Variants in LTBP1 observed in about 807,000 individuals in gnomAD.
LTBP1 encodes the protein latent-transforming growth factor beta-binding protein 1.
In LTBP1, 129 loss-of-function variants were observed where a neutral mutation model predicts 207.6. The observed-to-expected ratio is 0.62, with a 90% CI of 0.54 to 0.72. The LOEUF is 0.72. LTBP1 is among the 30% of genes least tolerant of loss of function. The probability of loss-of-function intolerance (pLI) is 0.00; values close to 1 mark genes in which losing one functional copy is unlikely to be tolerated. For synonymous variants in LTBP1, 963 were observed against 833.7 expected (o/e 1.16, Z -2.67); for missense variants, 2,281 against 2,217.2 (o/e 1.03, Z -0.58).
intron 7 of LTBP1, among the ~76,000 whole-genome samples, chr2:33,216,159 G>C (rs17012689): frequency 0.018 from 2,678 of 152,246 alleles, 77 homozygotes; most frequent in African/African-American, 0.06. Flanking sequence ...ATAAACATAA[G>C]ATACATACGC....
intron 3 of LTBP1, among the ~76,000 whole-genome samples, chr2:33,033,218 G>GT (rs143523431): frequency 2.4e-4 from 36 of 148,646 alleles, no homozygotes; most frequent in African/African-American, 3.7e-4. Context: ...AGTGTAAGTG[G>GT]TTTTTTTTTT....
rs75020774 is a variant in LTBP1, at chr2:33,071,889, C to T, written c.864-38693C>T. ...TACTCTCACAAAGCAAATCTGACAC[C>T]GGATGTGTGGGGATTTCTGCCCACC... is the stretch of plus-strand genomic sequence containing the variant. On this transcript the variant is annotated intron_variant, in intron 3 of 33. Transcript: ENST00000404816. Among the ~76,000 whole-genome samples, 478 of 152,306 alleles carry T rather than the reference C, an allele frequency of 3.1e-3. 2 individuals are homozygous for T. The highest frequency in any genetic ancestry group is 0.011 in the African/African-American group (451 of 41,570).
chr2:33,093,298 G>T (rs1338554110), intron 3 of LTBP1, among the ~76,000 whole-genome samples: 3 of 152,004 alleles, frequency 2.0e-5, no homozygotes, highest in Non-Finnish European at 2.9e-5. Flanking sequence ...TCTTTGGCTT[G>T]CCCCTCTTTC....
At chr2:33,196,310 A>T (rs1036994412) in intron 7 of LTBP1, among the ~76,000 whole-genome samples, 2 of 149,088 alleles carry the variant, frequency 1.3e-5, no homozygotes, top group African/African-American at 4.9e-5. Flanking sequence ...TTTTAGAAAG[A>T]AGGGGGAAAA....
chr2:33,118,218 C>CA (rs34111004), intron 4 of LTBP1, among the ~76,000 whole-genome samples: 4 of 143,898 alleles, frequency 2.8e-5, no homozygotes, highest in Non-Finnish European at 6.1e-5. Flanking sequence ...AAAAAAACAA[C>CA]AAAAAAAACT....
At chr2:33,335,383 G>A (rs184922189) in intron 24 of LTBP1, among the ~76,000 whole-genome samples, 10 of 152,054 alleles carry the variant, frequency 6.6e-5, no homozygotes, top group African/African-American at 2.2e-4. Flanking sequence ...AGTCAGACTC[G>A]GCCCAGGGAT....
chr2:33,307,342 T>G (rs2094114595), intron 22 of LTBP1, among the ~76,000 whole-genome samples: 1 of 152,170 alleles, frequency 6.6e-6, no homozygotes, highest in African/African-American at 2.4e-5. Flanking sequence ...TTAGAAATAT[T>G]TATAGAAACC....
chr2:33,046,929 G>A (rs2076476067), intron 3 of LTBP1, among the ~76,000 whole-genome samples: 1 of 152,102 alleles, frequency 6.6e-6, no homozygotes, highest in Non-Finnish European at 1.5e-5. Context: ...TCTGATGGTA[G>A]TTTGTATTTC....
intron 9 of LTBP1, among the ~76,000 whole-genome samples, chr2:33,237,734 A>T (rs779270365): frequency 7.9e-5 from 12 of 152,186 alleles, no homozygotes; most frequent in Non-Finnish European, 1.5e-5. Context: ...TTGTTCATTT[A>T]TTCTGTGCCT....
chr2:33,257,239 C>T (rs902168509), intron 11 of LTBP1, 45 bp from the exon 12 acceptor site: 12 of 1,423,744 alleles, frequency 8.4e-6, no homozygotes, highest in Non-Finnish European at 1.1e-5. Context: ...TATAAGTTTG[C>T]ACTGTTAGAT....
At chr2:33,150,361 T>G (rs530267327) in intron 5 of LTBP1, among the ~76,000 whole-genome samples, 1 of 152,276 alleles carries the variant, frequency 6.6e-6, no homozygotes, top group East Asian at 1.9e-4. Flanking sequence ...AACCCATAAT[T>G]TACATGACTG....
intron 2 of LTBP1, among the ~76,000 whole-genome samples, chr2:32,979,262 T>C (rs1682374389): frequency 6.6e-6 from 1 of 151,952 alleles, no homozygotes. Context: ...TGCTCTTGCT[T>C]TCTAGGTCTT....
intron 31 of LTBP1, among the ~76,000 whole-genome samples, chr2:33,382,852 G>GT (rs1193231300): frequency 1.3e-5 from 2 of 152,152 alleles, no homozygotes; most frequent in Non-Finnish European, 2.9e-5. Flanking sequence ...GGGAAGGAGG[G>GT]TTGCTGCCTG....
chr2:33,096,143 A>G (rs2079375438), intron 3 of LTBP1, among the ~76,000 whole-genome samples: 2 of 152,210 alleles, frequency 1.3e-5, no homozygotes, highest in African/African-American at 4.8e-5. Flanking sequence ...GAGTCATAAG[A>G]CATATTACAT....
At chr2:32,948,835 T>A (rs1306086803) in intron 1 of LTBP1, 40 bp from the exon 2 acceptor site, 2 of 1,579,740 alleles carry the variant, frequency 1.3e-6, no homozygotes, top group Non-Finnish European at 8.7e-7. Flanking sequence ...GGGAAGGGGG[T>A]CTTTCTGCTG....
At chr2:33,055,813 C>A (rs563494290) in intron 3 of LTBP1, among the ~76,000 whole-genome samples, 2 of 152,158 alleles carry the variant, frequency 1.3e-5, no homozygotes, top group Non-Finnish European at 2.9e-5. Flanking sequence ...TTCCCCTCCC[C>A]CTACAGCTTG....
At chr2:33,331,731 A>G (rs2094496231) in intron 24 of LTBP1, among the ~76,000 whole-genome samples, 2 of 152,118 alleles carry the variant, frequency 1.3e-5, no homozygotes, top group Admixed American at 6.5e-5. Flanking sequence ...AAAATCATCT[A>G]TATCCCTACC....
At chr2:33,349,454 A>G (rs1418022630) in intron 26 of LTBP1, among the ~76,000 whole-genome samples, 4 of 152,150 alleles carry the variant, frequency 2.6e-5, no homozygotes, top group African/African-American at 9.7e-5. Context: ...GAAAAAAAAA[A>G]AAAGTACATT....
At chr2:33,078,299 A>AT (rs1157216480) in intron 3 of LTBP1, among the ~76,000 whole-genome samples, 5 of 152,218 alleles carry the variant, frequency 3.3e-5, no homozygotes, top group Non-Finnish European at 5.9e-5. Flanking sequence ...ACAAATAAAT[A>AT]TTCTGGAGGG....
Sources: allele counts gnomAD v4.1 joint callset (sites outside exome capture counted in the v4.1 genomes callset), GRCh38; gene constraint gnomAD v4.1.1; transcripts MANE v1.5; gene names NCBI Gene and HGNC (gene_info 2026-07-23, HGNC 2026-07-21).